The following NTSR1 variants were observed in gnomAD, a reference collection of about 807,000 sequenced individuals.
The protein encoded by NTSR1 is neurotensin receptor type 1.
Under a neutral mutation model 31.2 loss-of-function variants are expected in NTSR1, and 29 were observed. The ratio of observed to expected loss-of-function variants is 0.93; its 90% CI spans 0.69 to 1.27. The LOEUF (loss-of-function observed/expected upper bound fraction) is 1.27. NTSR1 is among the 50% of genes most tolerant of loss of function. NTSR1 has a pLI of 0.00. For synonymous variants in NTSR1, 282 were observed against 269.9 expected (o/e 1.04, Z -0.44); for missense variants, 697 against 595.4 (o/e 1.17, Z -1.78).
chr20:62,714,813 G>A lies in NTSR1; in HGVS notation c.714+4892G>A, dbSNP rs1246469446. Among the ~76,000 whole-genome samples, 8 of 152,210 alleles carry A rather than the reference G, an allele frequency of 5.3e-5. No homozygotes were observed. Among genetic ancestry groups the A allele is most frequent in the Admixed American group, 3.3e-4 (5 of 15,282 alleles). On this transcript the variant is annotated intron_variant, in intron 1 of 3. Coordinates refer to ENST00000370501, the MANE Select transcript of NTSR1 (RefSeq NM_002531.3). The surrounding 1 kb of genome is among the most constrained non-coding windows in gnomAD (Gnocchi z 4.1). ...AAAGACTCGGACAAGTCAACCTGTCGCAGAAAGCCGGCACCAAAGCTGATC... is the reference window on the plus strand; with the variant it reads ...AAAGACTCGGACAAGTCAACCTGTCACAGAAAGCCGGCACCAAAGCTGATC...
chr20:62,760,664 GT>G lies in NTSR1; in HGVS notation c.*399del, dbSNP rs1192330728. 5.6e-6 allele frequency: 1 copy of G among 179,424 alleles called. No individual in the cohort carries two copies. The highest frequency in any genetic ancestry group is 2.4e-5 in the African/African-American group (1 of 42,470). The allele number at this position is 179,424 out of a possible 1,614,324, so 11.1% of individuals were successfully genotyped here. On this transcript the variant is annotated 3_prime_UTR_variant, in exon 4 of 4. Transcript: ENST00000370501. ...CCGGGCCTCCGGCGGCCCGGCTGCT[GT>G]TCCCATGTCCACATCTCTGAGGCCT...
chr20:62,709,372 C>G lies in NTSR1; in HGVS notation c.165C>G (p.Asp55Glu). Residue 55 changes from aspartate (D) to glutamate (E), a missense_variant, in exon 1 of 4, where the codon GAC becomes GAG. Coordinates refer to ENST00000370501, the MANE Select transcript of NTSR1 (RefSeq NM_002531.3). ...TGGCGGCACCCAGCAGCGAGCTGGA[C>G]GTGAACACCGACATCTACTCCAAGG... ...RVLAAPSSEL[D>E]VNTDIYSKVL... 6.2e-7 allele frequency: 1 copy of G among 1,608,878 alleles called. No homozygotes were observed. Among genetic ancestry groups the G allele is most frequent in the Non-Finnish European group, 8.5e-7 (1 of 1,177,366 alleles).
At chr20:62,728,950 C>T (rs6011917) in intron 1 of NTSR1, among the ~76,000 whole-genome samples, 17,489 of 152,178 alleles carry the variant, frequency 0.11, 1,244 homozygotes, top group African/African-American at 0.19. Flanking sequence ...TGGAAAGGGA[C>T]CCTAAGACTG....
At chr20:62,727,804 G>A (rs912555879) in intron 1 of NTSR1, among the ~76,000 whole-genome samples, 3 of 152,278 alleles carry the variant, frequency 2.0e-5, no homozygotes, top group Non-Finnish European at 2.9e-5. Context: ...GGCCACAGCC[G>A]AGGGCCAGAG....
intron 1 of NTSR1, among the ~76,000 whole-genome samples, chr20:62,713,735 T>G (rs1171904165): frequency 6.6e-6 from 1 of 152,236 alleles, no homozygotes; most frequent in African/African-American, 2.4e-5. Context: ...GCTGCAGCCC[T>G]GCCACAGGCA....
chr20:62,725,047 T>A (rs1318383891), intron 1 of NTSR1, among the ~76,000 whole-genome samples: 1 of 152,180 alleles, frequency 6.6e-6, no homozygotes, highest in African/African-American at 2.4e-5. Context: ...GGCTACCAAT[T>A]ACTCCACAAC....
intron 1 of NTSR1, among the ~76,000 whole-genome samples, chr20:62,725,743 C>G (rs1198762364): frequency 6.6e-6 from 1 of 152,084 alleles, no homozygotes; most frequent in African/African-American, 2.4e-5. Flanking sequence ...GGTATCACCC[C>G]CCACCTTGAA....
intron 1 of NTSR1, among the ~76,000 whole-genome samples, chr20:62,736,145 G>T (rs1989088217): frequency 6.6e-6 from 1 of 152,242 alleles, no homozygotes; most frequent in Non-Finnish European, 1.5e-5. Context: ...CCTGGGTTAG[G>T]AGGCCTGAGA....
intron 1 of NTSR1, among the ~76,000 whole-genome samples, chr20:62,739,444 T>TG (rs1159851479): frequency 6.6e-6 from 1 of 152,192 alleles, no homozygotes; most frequent in Non-Finnish European, 1.5e-5. Context: ...AGCCAGAGCC[T>TG]GGGGCCCCCT....
In NTSR1 at chr20:62,711,159, G is replaced by C. The variant is rs1276350692; in HGVS notation, c.714+1238G>C. Reference sequence around the variant, plus strand: ...CAGGTGGGCTGGGGGGTGGAGGAGGGTAGAACTGAGCTCCCAGTCTCCCTG... The same window carrying C: ...CAGGTGGGCTGGGGGGTGGAGGAGGCTAGAACTGAGCTCCCAGTCTCCCTG... On this transcript the variant is annotated intron_variant, in intron 1 of 3. Coordinates refer to ENST00000370501, the MANE Select transcript of NTSR1 (RefSeq NM_002531.3). The surrounding 1 kb of genome is among the most constrained non-coding windows in gnomAD (Gnocchi z 6.4). Among the ~76,000 whole-genome samples, 1 of 152,106 alleles carries C rather than the reference G, an allele frequency of 6.6e-6. No individual in the cohort carries two copies. The highest frequency in any genetic ancestry group is 2.4e-5 in the African/African-American group (1 of 41,426).
intron 1 of NTSR1, among the ~76,000 whole-genome samples, chr20:62,729,025 T>A (rs757622186): frequency 1.5e-4 from 23 of 152,186 alleles, no homozygotes; most frequent in Non-Finnish European, 5.9e-5. Flanking sequence ...AGCCAAGAGA[T>A]GGATGTCCAG....
At chr20:62,750,957 C>T (rs1989385078) in intron 1 of NTSR1, among the ~76,000 whole-genome samples, 1 of 152,164 alleles carries the variant, frequency 6.6e-6, no homozygotes, top group Non-Finnish European at 1.5e-5. Context: ...CTCACTGTAG[C>T]CTCAAACTCC....
At chr20:62,718,695 C>T (rs997493402) in intron 1 of NTSR1, among the ~76,000 whole-genome samples, 4 of 152,178 alleles carry the variant, frequency 2.6e-5, no homozygotes, top group African/African-American at 9.7e-5. Context: ...CCTGCATTGA[C>T]CAGGCGTTCC....
At chr20:62,729,007 C>G (rs1005730162) in intron 1 of NTSR1, among the ~76,000 whole-genome samples, 1 of 152,266 alleles carries the variant, frequency 6.6e-6, no homozygotes, top group Non-Finnish European at 1.5e-5. Context: ...GAAGAAGCTG[C>G]TGGCAAGAGC....
rs1313059769 is a variant in NTSR1 at position 62,714,262 on chromosome 20, G to T, written c.714+4341G>T. ...TCACCTGCAGCGCAGGGCATAGAGG[G>T]CTGTTGGTGTGGGGCCAAGAGTCAC... On this transcript the variant is annotated intron_variant, in intron 1 of 3. Transcript: ENST00000370501. The surrounding 1 kb of genome is among the most constrained non-coding windows in gnomAD (Gnocchi z 4.1). Among the ~76,000 whole-genome samples, 1 of 152,240 alleles carries T rather than the reference G, an allele frequency of 6.6e-6. No homozygotes were observed. Among genetic ancestry groups the T allele is most frequent in the Non-Finnish European group, 1.5e-5 (1 of 68,050 alleles).
chr20:62,717,044 C>G (rs557278703), intron 1 of NTSR1, among the ~76,000 whole-genome samples: 1 of 152,232 alleles, frequency 6.6e-6, no homozygotes, highest in Non-Finnish European at 1.5e-5. Context: ...GGGGGACCAC[C>G]GGGCTCTGCA....
In NTSR1 at chr20:62,709,820, T is replaced by C. The variant is rs142371314; in HGVS notation, c.613T>C (p.Phe205Leu). The C allele has an allele frequency of 2.0e-3, 3,263 of 1,612,562 alleles. 10 individuals are homozygous for C. The highest frequency in any genetic ancestry group is 4.6e-3 in the Middle Eastern group (28 of 6,062). Residue 205 changes from phenylalanine (F) to leucine (L), a missense_variant, in exon 1 of 4, where the codon TTC (phenylalanine) becomes CTC (leucine). By Grantham distance (22) the Phe-to-Leu change is conservative. Transcript: ENST00000370501. ...GGCCCTGCTGGCGGTGCCTATGCTG[T>C]TCACCATGGGCGAGCAGAACCGCAG... ...ASALLAVPML[F>L]TMGEQNRSAD...
At chr20:62,747,200 G>C (rs1250770666) in intron 1 of NTSR1, among the ~76,000 whole-genome samples, 1 of 152,210 alleles carries the variant, frequency 6.6e-6, no homozygotes, top group Non-Finnish European at 1.5e-5. Context: ...ATCCTTTCAT[G>C]ATAAAAACAC....
intron 1 of NTSR1, among the ~76,000 whole-genome samples, chr20:62,727,008 C>T (rs930849616): frequency 4.6e-5 from 7 of 152,182 alleles, no homozygotes; most frequent in African/African-American, 1.7e-4. Flanking sequence ...GAAAGGGGTC[C>T]TTGCCAGAGC....
Sources: gnomAD v4.1 joint callset for allele counts (sites outside exome capture counted in the v4.1 genomes callset) on GRCh38, gnomAD v4.1.1 for gene constraint, Gnocchi (gnomAD v3.1) non-coding constraint, MANE v1.5 for transcripts, NCBI Gene and HGNC (gene_info 2026-07-23, HGNC 2026-07-21) for gene names.